The following VSTM2A variants were observed in gnomAD, a reference collection of about 807,000 sequenced individuals.
The protein encoded by VSTM2A is V-set and transmembrane domain-containing protein 2A.
In VSTM2A, 13 loss-of-function variants were observed where a neutral mutation model predicts 27.3. That is an observed-to-expected ratio of 0.48 (90% CI 0.31 to 0.76). The LOEUF (loss-of-function observed/expected upper bound fraction) is 0.76. Among genes scored for constraint, VSTM2A ranks in the 30% least tolerant of loss-of-function variants. The pLI is 0.05. For missense variants in VSTM2A, 280 were observed against 310.0 expected, an observed-to-expected ratio of 0.90 and a Z score of 0.73; for synonymous variants, 142 against 125.7, an observed-to-expected ratio of 1.13 and a Z score of -0.87.
intron 2 of VSTM2A, among the ~76,000 whole-genome samples, chr7:54,545,864 G>A (rs1430691014): frequency 7.5e-6 from 1 of 132,576 alleles, no homozygotes; most frequent in Non-Finnish European, 1.6e-5. Context: ...GAGAATTGGA[G>A]TGGGAAGCAG....
chr7:54,544,475 G>A (rs1040535642), intron 1 of VSTM2A, 147 bp from the exon 2 acceptor site: 6 of 945,364 alleles, frequency 6.3e-6, no homozygotes, highest in Admixed American at 6.2e-5. Flanking sequence ...CAAAGGAAGG[G>A]GGCTGGGGGA....
chr7:54,543,306 T>G (rs1048145168), intron 1 of VSTM2A, among the ~76,000 whole-genome samples: 2 of 152,062 alleles, frequency 1.3e-5, no homozygotes. Flanking sequence ...AGCCACAACT[T>G]GCATGACAAG....
chr7:54,567,453 T>C (rs1400135673), intron 4 of VSTM2A, among the ~76,000 whole-genome samples: 10 of 152,216 alleles, frequency 6.6e-5, no homozygotes, highest in Non-Finnish European at 1.2e-4. Flanking sequence ...AAATGCTGCA[T>C]CAAAATGAAG....
At chr7:54,554,200 A>T in intron 4 of VSTM2A, 1 of 1,419,320 alleles carries the variant, frequency 7.0e-7, no homozygotes, top group Non-Finnish European at 9.4e-7. Context: ...TCCCTCGATC[A>T]CTCCTTCCTG....
At position 54,570,465 on chromosome 7, in the gene VSTM2A, G is replaced by A. The variant is rs908895902; in HGVS notation, c.*1246G>A. On this transcript the variant is annotated 3_prime_UTR_variant, in exon 5 of 5. Coordinates refer to ENST00000402613, the MANE Select transcript of VSTM2A (RefSeq NM_001301009.2). ...TGTTACCTTTGTCATTCTGTTATTT[G>A]CGCTAATTATATTTTAATGTCTCCT... 3.9e-5 allele frequency: 6 copies of A among 151,922 alleles called. No homozygotes were observed. The highest frequency in any genetic ancestry group is 1.5e-4 in the African/African-American group (6 of 41,356). 9.4% of individuals were successfully genotyped at this position (151,922 alleles called of 1,614,324 possible). A position where few individuals can be genotyped will look rare whatever the true frequency, so the allele number is the denominator to read the frequency against.
chr7:54,549,460 G>A (rs1788109653), intron 3 of VSTM2A, among the ~76,000 whole-genome samples: 1 of 152,226 alleles, frequency 6.6e-6, no homozygotes, highest in African/African-American at 2.4e-5. Context: ...AAGAAAAGAG[G>A]TTGTTTCACC....
intron 4 of VSTM2A, among the ~76,000 whole-genome samples, chr7:54,563,139 T>C (rs1301648317): frequency 2.0e-5 from 3 of 152,198 alleles, no homozygotes; most frequent in Non-Finnish European, 2.9e-5. Flanking sequence ...GCCATTCATA[T>C]CTCTATATAT....
intron 3 of VSTM2A, among the ~76,000 whole-genome samples, chr7:54,548,681 C>T (rs6953495): frequency 0.77 from 116,404 of 152,010 alleles, 44,645 homozygotes; most frequent in South Asian, 0.84. Flanking sequence ...GAAGTATTCA[C>T]TTCATTTTTA....
rs374283401 is a variant in VSTM2A at position 54,547,013 on chromosome 7, G to A, written c.297+16G>A. On this transcript the variant is annotated intron_variant, in intron 3 of 4. Coordinates refer to ENST00000402613, the MANE Select transcript of VSTM2A (RefSeq NM_001301009.2). ...CAAGATCAGCGTGAGTGCGGGGCGC[G>A]CCAAGGGCCGCGGGCCCAGGCTCGG... 73 of 1,572,466 alleles carry A rather than the reference G, an allele frequency of 4.6e-5. No homozygotes were observed. The highest frequency in any genetic ancestry group is 6.0e-5 in the Non-Finnish European group (70 of 1,162,006).
At chr7:54,550,380 G>GTGC in intron 4 of VSTM2A, 1 of 1,374,626 alleles carries the variant, frequency 7.3e-7, no homozygotes. Flanking sequence ...TCCCCTAGTG[G>GTGC]TGCTTCATTT....
At chr7:54,560,848 A>G (rs1788538062) in intron 4 of VSTM2A, among the ~76,000 whole-genome samples, 1 of 152,204 alleles carries the variant, frequency 6.6e-6, no homozygotes, top group South Asian at 2.1e-4. Flanking sequence ...AATGCAGTGA[A>G]ATACTTCAAA....
intron 4 of VSTM2A, among the ~76,000 whole-genome samples, chr7:54,560,753 T>A (rs1460950781): frequency 6.6e-6 from 1 of 152,188 alleles, no homozygotes; most frequent in Non-Finnish European, 1.5e-5. Flanking sequence ...CTGACAAATA[T>A]GAAGCTGTAG....
rs142846374 is a variant in VSTM2A at position 54,550,073 on chromosome 7, C to T, written c.537C>T (p.Ala179=). 18 of 1,609,072 alleles carry T rather than the reference C, an allele frequency of 1.1e-5. No individual in the cohort carries two copies. The highest frequency in any genetic ancestry group is 1.4e-5 in the Non-Finnish European group (16 of 1,177,754). Residue 179 remains alanine, a synonymous_variant, in exon 4 of 5, where the codon GCC becomes GCT. Coordinates refer to ENST00000402613, the MANE Select transcript of VSTM2A (RefSeq NM_001301009.2). ...DMKPRKNVSA[A]IPSSIHGSAN... is the part of the protein sequence containing the mutation. ...AGCCCCGCAAGAACGTCTCCGCAGC[C>T]ATCCCCAGCAGCATCCATGGCTCTG...
rs781701273 is a variant in VSTM2A, at chr7:54,544,743, G to A, written c.201G>A (p.Arg67=). 3.7e-6 allele frequency: 6 copies of A among 1,612,396 alleles called. No homozygotes were observed. Among genetic ancestry groups the A allele is most frequent in the Non-Finnish European group, 5.1e-6 (6 of 1,179,742 alleles). The change falls in exon 2 of 5, where the codon CGG becomes CGA. Residue 67 remains arginine, a synonymous_variant. Transcript: ENST00000402613. ...VYLEIQWWFL[R]GPEDLDPGAE... is the part of the protein sequence containing the mutation. ...TGGAGATCCAATGGTGGTTCCTGCG[G>A]GGGCCGGAGGACCTGGATCCCGGGG... is the stretch of plus-strand genomic sequence containing the variant.
At chr7:54,544,585 T>C in intron 1 of VSTM2A, 37 bp from the exon 2 acceptor site, 2 of 1,612,054 alleles carry the variant, frequency 1.2e-6, no homozygotes, top group Non-Finnish European at 1.7e-6. Flanking sequence ...GCAAGAGGGG[T>C]GTGGATATTC....
intron 1 of VSTM2A, 120 bp downstream of exon 1, chr7:54,542,929 G>A: frequency 3.3e-6 from 3 of 897,532 alleles, no homozygotes; most frequent in Admixed American, 4.9e-5. Flanking sequence ...GGCTTAGGCT[G>A]TATAAATAGT....
chr7:54,547,752 A>T (rs1189538174), intron 3 of VSTM2A, among the ~76,000 whole-genome samples: 1 of 152,226 alleles, frequency 6.6e-6, no homozygotes, highest in Non-Finnish European at 1.5e-5. Flanking sequence ...AAGCATAAAC[A>T]TATTGTTATT....
At position 54,547,012 on chromosome 7, in the gene VSTM2A, C is replaced by G; in HGVS notation, c.297+15C>G. On this transcript the variant is annotated intron_variant, in intron 3 of 4. Transcript: ENST00000402613. ...CCAAGATCAGCGTGAGTGCGGGGCG[C>G]GCCAAGGGCCGCGGGCCCAGGCTCG... is the stretch of plus-strand genomic sequence containing the variant. 1 of 1,572,398 alleles carries G rather than the reference C, an allele frequency of 6.4e-7. No individual in the cohort carries two copies. The highest frequency in any genetic ancestry group is 8.6e-7 in the Non-Finnish European group (1 of 1,161,974).
chr7:54,545,244 G>A (rs1442555989), intron 2 of VSTM2A, among the ~76,000 whole-genome samples: 1 of 151,808 alleles, frequency 6.6e-6, no homozygotes, highest in Admixed American at 6.6e-5. Flanking sequence ...AACCAGGGCG[G>A]CCAGCTCCTC....
Sources: allele counts gnomAD v4.1 joint callset (sites outside exome capture counted in the v4.1 genomes callset), GRCh38; gene constraint gnomAD v4.1.1; transcripts MANE v1.5; gene names NCBI Gene and HGNC (gene_info 2026-07-23, HGNC 2026-07-21).